Variants in TMIGD2 observed in about 807,000 individuals in gnomAD.
TMIGD2 encodes the protein transmembrane and immunoglobulin domain-containing protein 2.
Under a neutral mutation model 22.6 loss-of-function variants are expected in TMIGD2, and 18 were observed. The ratio of observed to expected loss-of-function variants is 0.80; its 90% CI spans 0.55 to 1.18. The LOEUF (loss-of-function observed/expected upper bound fraction) is 1.18. TMIGD2 is among the 50% of genes most tolerant of loss of function. The pLI is 0.00. For synonymous variants in TMIGD2, 184 were observed against 154.1 expected, an observed-to-expected ratio of 1.19 and a Z score of -1.44; for missense variants, 361 against 378.2, an observed-to-expected ratio of 0.95 and a Z score of 0.38.
At chr19:4,297,285 T>TCTCGAACCCCTGAC (rs1264487945) in intron 2 of TMIGD2, among the ~76,000 whole-genome samples, 2 of 152,000 alleles carry the variant, frequency 1.3e-5, no homozygotes, top group Admixed American at 6.6e-5. Flanking sequence ...GCCAGGCTGG[T>TCTCGAACCCCTGAC]CTCGAACCCC....
intron 1 of TMIGD2, 132 bp from the exon 2 acceptor site, chr19:4,298,477 C>G: frequency 7.4e-7 from 1 of 1,352,712 alleles, no homozygotes; most frequent in Non-Finnish European, 9.7e-7. Context: ...TGGCTCACGC[C>G]TGTAGTCCCA....
intron 4 of TMIGD2, among the ~76,000 whole-genome samples, chr19:4,293,186 C>G (rs1445734425): frequency 2.0e-5 from 3 of 151,314 alleles, no homozygotes; most frequent in Non-Finnish European, 2.9e-5. Context: ...TGGTCTTGAT[C>G]TCCTGACCTC....
intron 1 of TMIGD2, 83 bp from the exon 2 acceptor site, chr19:4,298,428 G>T: frequency 6.8e-7 from 1 of 1,467,266 alleles, no homozygotes; most frequent in South Asian, 1.4e-5. Context: ...TGAGCCCGCA[G>T]TCTGGGTTTG....
At chr19:4,294,586 C>T (rs267605453) in exon 4 of TMIGD2, 1 of 1,612,100 alleles carries the variant, frequency 6.2e-7, no homozygotes, top group African/African-American at 1.3e-5. Flanking sequence ...TACCTGAGTC[C>T]CTTTGCTGGC....
chr19:4,301,564 G>T (rs1017703424), intron 1 of TMIGD2, among the ~76,000 whole-genome samples: 1 of 152,180 alleles, frequency 6.6e-6, no homozygotes, highest in Non-Finnish European at 1.5e-5. Context: ...CAGCTACTCG[G>T]GAGCCTGAGG....
At position 4,299,574 on chromosome 19, in the gene TMIGD2, T is replaced by C. The variant is rs139750598; in HGVS notation, c.47-1229A>G. Reference sequence around the variant, plus strand: ...CTGGAGCGCAGTGGCACCATCAAAGTTCATTGCAGCCTCAGCCGCTTGGGC... The same window carrying C: ...CTGGAGCGCAGTGGCACCATCAAAGCTCATTGCAGCCTCAGCCGCTTGGGC... On this transcript the variant is annotated intron_variant, in intron 1 of 4. Coordinates refer to ENST00000301272, the Ensembl canonical transcript of TMIGD2. 2.8e-3 allele frequency among the ~76,000 whole-genome samples: 400 copies of C among 142,444 alleles called. 1 individual carries two copies. Among genetic ancestry groups the C allele is most frequent in the African/African-American group, 0.01 (385 of 38,280 alleles). 93.4% of individuals were successfully genotyped at this position (142,444 alleles called of 152,430 possible).
chr19:4,293,124 T>C (rs111393170), intron 4 of TMIGD2, among the ~76,000 whole-genome samples: 1,952 of 152,074 alleles, frequency 0.013, 47 homozygotes, highest in African/African-American at 0.045. Flanking sequence ...CCACCATGCC[T>C]GGCTGATTTT....
exon 5 of TMIGD2, chr19:4,292,376 CTG>C (rs1446427862): frequency 5.4e-6 from 3 of 555,204 alleles, no homozygotes. Context: ...GAGTCTCACT[CTG>C]TCGCCCAGGC....
chr19:4,292,850 G>T (rs771400874), exon 5 of TMIGD2: 1 of 1,613,754 alleles, frequency 6.2e-7, no homozygotes, highest in African/African-American at 1.3e-5. Context: ...GGGGCCCCCC[G>T]GGGCCGGTAT....
At chr19:4,293,682 C>T (rs1024536404) in intron 4 of TMIGD2, among the ~76,000 whole-genome samples, 70 of 151,426 alleles carry the variant, frequency 4.6e-4, no homozygotes, top group African/African-American at 1.6e-3. Context: ...CTGCAGCCTC[C>T]GCCTCCCAGG....
intron 4 of TMIGD2, 95 bp downstream of exon 4, chr19:4,294,484 C>A (rs540692407): frequency 1.6e-6 from 2 of 1,215,708 alleles, no homozygotes; most frequent in African/African-American, 1.5e-5. Context: ...CTCCTCCATC[C>A]TTCCCCCAGG....
At chr19:4,293,319 G>C (rs1343791223) in intron 4 of TMIGD2, among the ~76,000 whole-genome samples, 3 of 141,598 alleles carry the variant, frequency 2.1e-5, no homozygotes, top group Admixed American at 7.4e-5. Flanking sequence ...GTGTAGCAGC[G>C]GTGCGATCTC....
At chr19:4,300,742 T>C (rs1405221529) in intron 1 of TMIGD2, among the ~76,000 whole-genome samples, 1 of 152,026 alleles carries the variant, frequency 6.6e-6, no homozygotes, top group Non-Finnish European at 1.5e-5. Flanking sequence ...GCACAGCCCA[T>C]GCAAAGGCCC....
rs369769262 is a variant in TMIGD2 at position 4,292,754 on chromosome 19, G to T, written c.694C>A (p.Arg232Ser). ...GGTCTTGACGCCAGGTGCGGCTGGC[G>T]GGGGGCCGGTTGCGGGAAGGAGGTT... Residue 232 changes from arginine (R) to serine (S), a missense_variant, in exon 5 of 5, where the codon CGC (arginine) becomes AGC (serine). Physicochemically the swap from Arg to Ser is moderately radical, Grantham distance 110. Transcript: ENST00000301272. 3.0e-5 allele frequency: 49 copies of T among 1,609,944 alleles called. No individual in the cohort carries two copies. Among genetic ancestry groups the T allele is most frequent in the Admixed American group, 2.6e-4 (15 of 58,388 alleles).
At chr19:4,301,043 G>A (rs760090581) in intron 1 of TMIGD2, among the ~76,000 whole-genome samples, 1 of 152,064 alleles carries the variant, frequency 6.6e-6, no homozygotes, top group East Asian at 1.9e-4. Context: ...TGTGATCTCG[G>A]CTCATTGCAA....
chr19:4,298,091 G>C (rs1394256686), exon 2 of TMIGD2: 1 of 1,613,678 alleles, frequency 6.2e-7, no homozygotes, highest in Non-Finnish European at 8.5e-7. Flanking sequence ...AGGCTCACAG[G>C]GTCCAGCTGC....
chr19:4,297,458 C>T (rs905814421), intron 2 of TMIGD2, among the ~76,000 whole-genome samples: 10 of 152,194 alleles, frequency 6.6e-5, no homozygotes, highest in Admixed American at 5.9e-4. Flanking sequence ...CAGCCTCCAG[C>T]TCCTGGGCTC....
chr19:4,297,157 ACCTC>A (rs1176480113), intron 2 of TMIGD2, among the ~76,000 whole-genome samples: 2 of 136,292 alleles, frequency 1.5e-5, no homozygotes, highest in African/African-American at 5.6e-5. Context: ...GCTCACTGCA[ACCTC>A]CCCCTCCCGG....
At chr19:4,294,303 C>T (rs998502249) in intron 4 of TMIGD2, among the ~76,000 whole-genome samples, 1 of 152,126 alleles carries the variant, frequency 6.6e-6, no homozygotes, top group Non-Finnish European at 1.5e-5. Context: ...GATTCGCCCA[C>T]CTCGGCCTCC....
Sources: gnomAD v4.1 joint callset for allele counts (sites outside exome capture counted in the v4.1 genomes callset) on GRCh38, gnomAD v4.1.1 for gene constraint, MANE v1.5 for transcripts, NCBI Gene and HGNC (gene_info 2026-07-23, HGNC 2026-07-21) for gene names.